Variants in XKR4 observed in about 807,000 individuals in gnomAD.
The protein encoded by XKR4 is XK related 4.
In XKR4, 12 loss-of-function variants were observed where a neutral mutation model predicts 53.9. That is an observed-to-expected ratio of 0.22 (90% CI 0.14 to 0.36). XKR4 has a LOEUF of 0.36. Among genes scored for constraint, XKR4 ranks in the 10% least tolerant of loss-of-function variants. XKR4 has a pLI of 1.00. For missense variants in XKR4, 799 were observed against 859.5 expected, an observed-to-expected ratio of 0.93 and a Z score of 0.88; for synonymous variants, 354 against 362.4, an observed-to-expected ratio of 0.98 and a Z score of 0.26.
At chr8:55,256,104 G>A (rs746436722) in intron 1 of XKR4, among the ~76,000 whole-genome samples, 2 of 151,946 alleles carry the variant, frequency 1.3e-5, no homozygotes, top group Admixed American at 6.6e-5. Flanking sequence ...AGGATGAGCT[G>A]AGGCTGAGGA....
chr8:55,103,854 T>TATAC (rs1816097173), intron 1 of XKR4, among the ~76,000 whole-genome samples: 1 of 20,808 alleles, frequency 4.8e-5, no homozygotes, highest in Non-Finnish European at 8.8e-5. Flanking sequence ...TGACTTTGTA[T>TATAC]ATATATATAT....
rs192780931 is a variant in XKR4, at chr8:55,415,386, G to A, written c.1006+57509G>A. On this transcript the variant is annotated intron_variant, in intron 2 of 2. Transcript: ENST00000327381. ...TTAATCCATCAGAAAAACCATGGCT[G>A]TAAAAAGTAATGATTATGTCAGAAG... is the stretch of plus-strand genomic sequence containing the variant. Among the ~76,000 whole-genome samples the A allele has an allele frequency of 2.6e-4, 39 of 152,278 alleles. No individual in the cohort carries two copies. In the East Asian group the frequency reaches 7.1e-3, roughly 28 times the overall value.
chr8:55,152,294 C>G (rs1196195601), intron 1 of XKR4, among the ~76,000 whole-genome samples: 1 of 152,110 alleles, frequency 6.6e-6, no homozygotes, highest in Non-Finnish European at 1.5e-5. Context: ...CATTTCCATA[C>G]TGTTTAAAGT....
intron 2 of XKR4, among the ~76,000 whole-genome samples, chr8:55,475,116 G>A (rs748084187): frequency 2.0e-5 from 3 of 152,014 alleles, no homozygotes; most frequent in African/African-American, 4.8e-5. Context: ...AATAGTACAC[G>A]GATACCAAGG....
chr8:55,477,425 C>T (rs565462216), intron 2 of XKR4, among the ~76,000 whole-genome samples: 1 of 152,092 alleles, frequency 6.6e-6, no homozygotes, highest in South Asian at 2.1e-4. Context: ...TCAACAAAGA[C>T]CAAAAGTAGA....
At chr8:55,504,324 T>A (rs1404763584) in intron 2 of XKR4, among the ~76,000 whole-genome samples, 1 of 151,810 alleles carries the variant, frequency 6.6e-6, no homozygotes, top group African/African-American at 2.4e-5. Context: ...GCAATTCCCC[T>A]GTCTCAGCCT....
intron 2 of XKR4, chr8:55,453,883 C>T (rs530666965): frequency 8.0e-5 from 46 of 575,776 alleles, no homozygotes; most frequent in African/African-American, 8.0e-4. Context: ...AGTACGGGAC[C>T]CCACACTCCA....
At chr8:55,233,124 C>T (rs1464148474) in intron 1 of XKR4, among the ~76,000 whole-genome samples, 2 of 152,192 alleles carry the variant, frequency 1.3e-5, no homozygotes, top group Non-Finnish European at 2.9e-5. Context: ...AAATTAAAGT[C>T]ACTCAATTGA....
chr8:55,162,170 AT>A (rs1382097091), intron 1 of XKR4, among the ~76,000 whole-genome samples: 1 of 151,978 alleles, frequency 6.6e-6, no homozygotes, highest in Non-Finnish European at 1.5e-5. Context: ...AACCTTGTTC[AT>A]TTTCTCCTCA....
intron 1 of XKR4, among the ~76,000 whole-genome samples, chr8:55,276,185 G>A (rs1283801067): frequency 6.6e-6 from 1 of 151,942 alleles, no homozygotes; most frequent in Non-Finnish European, 1.5e-5. Flanking sequence ...TCTTTTCCTG[G>A]GTCTCTTAGA....
chr8:55,414,964 T>G (rs1246532130), intron 2 of XKR4, among the ~76,000 whole-genome samples: 1 of 152,192 alleles, frequency 6.6e-6, no homozygotes, highest in Non-Finnish European at 1.5e-5. Context: ...TTCTGTGCCA[T>G]CAGAAAGTAA....
intron 1 of XKR4, among the ~76,000 whole-genome samples, chr8:55,348,766 A>G (rs990503095): frequency 6.6e-6 from 1 of 152,090 alleles, no homozygotes; most frequent in East Asian, 1.9e-4. Flanking sequence ...ATACAGAAAT[A>G]GGTAGAGATC....
At chr8:55,460,907 C>T (rs79143793) in intron 2 of XKR4, among the ~76,000 whole-genome samples, 1 of 152,252 alleles carries the variant, frequency 6.6e-6, no homozygotes. Flanking sequence ...TGAAATCAAA[C>T]TGCAAGGTGG....
At chr8:55,481,018 T>A (rs1481375306) in intron 2 of XKR4, among the ~76,000 whole-genome samples, 1 of 152,170 alleles carries the variant, frequency 6.6e-6, no homozygotes, top group Non-Finnish European at 1.5e-5. Flanking sequence ...AAGCTACCAA[T>A]GACTTTCTTC....
chr8:55,243,832 A>C (rs373293050), intron 1 of XKR4, among the ~76,000 whole-genome samples: 1 of 152,324 alleles, frequency 6.6e-6, no homozygotes. Flanking sequence ...CTGGAAGAGG[A>C]AGGTGACGGT....
At chr8:55,455,395 C>T (rs1421470790) in intron 2 of XKR4, among the ~76,000 whole-genome samples, 1 of 152,138 alleles carries the variant, frequency 6.6e-6, no homozygotes, top group South Asian at 2.1e-4. Flanking sequence ...GCAAAGACTA[C>T]CTCCATCCTT....
At chr8:55,416,223 C>T (rs1331997504) in intron 2 of XKR4, among the ~76,000 whole-genome samples, 1 of 152,134 alleles carries the variant, frequency 6.6e-6, no homozygotes, top group African/African-American at 2.4e-5. Flanking sequence ...GGTAATAAAG[C>T]TACAGAGTAT....
chr8:55,122,985 A>G (rs1252291272), intron 1 of XKR4, among the ~76,000 whole-genome samples: 17 of 152,082 alleles, frequency 1.1e-4, no homozygotes, highest in Non-Finnish European at 2.5e-4. Context: ...CTCTGAACCC[A>G]CTTGTACCTG....
rs116986727 is a variant in XKR4, at chr8:55,226,021, C to T, written c.806+122727C>T. 1.4e-3 allele frequency among the ~76,000 whole-genome samples: 208 copies of T among 152,284 alleles called. No homozygotes were observed. The East Asian group carries it at 0.033, about 24-fold the overall frequency. On this transcript the variant is annotated intron_variant, in intron 1 of 2. Coordinates refer to ENST00000327381, the MANE Select transcript of XKR4 (RefSeq NM_052898.2). ...GACAACACCGTCCCTGACCAGGGTG[C>T]CCACTTTGCATCCACAGCGACTGTG...
Sources: gnomAD v4.1 joint callset for allele counts (sites outside exome capture counted in the v4.1 genomes callset) on GRCh38, gnomAD v4.1.1 for gene constraint, MANE v1.5 for transcripts, NCBI Gene and HGNC (gene_info 2026-07-23, HGNC 2026-07-21) for gene names.